MAMDC2: variants seen among roughly 807,000 people sequenced by gnomAD.
MAMDC2 encodes the protein MAM domain containing 2, also known as MAM domain-containing protein 2.
MAMDC2 carries 57 observed loss-of-function variants against 89.8 expected under a neutral mutation model. That is an observed-to-expected ratio of 0.63 (90% CI 0.51 to 0.79). The LOEUF (loss-of-function observed/expected upper bound fraction) is 0.79. MAMDC2 is among the 30% of genes least tolerant of loss of function. MAMDC2 has a pLI of 0.00. For missense variants in MAMDC2, 800 were observed against 820.6 expected, an observed-to-expected ratio of 0.97 and a Z score of 0.31; for synonymous variants, 313 against 293.4, an observed-to-expected ratio of 1.07 and a Z score of -0.68.
At chr9:70,132,060 G>A (rs927852440) in intron 7 of MAMDC2, among the ~76,000 whole-genome samples, 42 of 152,158 alleles carry the variant, frequency 2.8e-4, no homozygotes, top group African/African-American at 1.0e-3. Context: ...GTTTAAAGAC[G>A]TTAGTATTTG....
intron 6 of MAMDC2, among the ~76,000 whole-genome samples, chr9:70,127,402 A>G (rs1025462472): frequency 5.3e-5 from 8 of 152,188 alleles, no homozygotes; most frequent in Admixed American, 3.9e-4. Context: ...TATGGTTGCT[A>G]TAAGATTGCT....
intron 2 of MAMDC2, chr9:70,093,876 T>C (rs1245526151): frequency 6.6e-6 from 1 of 152,214 alleles, no homozygotes; most frequent in East Asian, 1.9e-4. Context: ...ATTTTCATCC[T>C]TTGTTAAATA....
chr9:70,121,480 T>C (rs1426092698), intron 5 of MAMDC2, among the ~76,000 whole-genome samples: 1 of 152,178 alleles, frequency 6.6e-6, no homozygotes, highest in Non-Finnish European at 1.5e-5. Flanking sequence ...TTTCACTCTG[T>C]GTATGGCAAA....
intron 2 of MAMDC2, chr9:70,105,846 C>G (rs1828327080): frequency 6.6e-6 from 1 of 152,138 alleles, no homozygotes; most frequent in Non-Finnish European, 1.5e-5. Flanking sequence ...AGCAGATGGA[C>G]TCTGTGCACC....
intron 8 of MAMDC2, among the ~76,000 whole-genome samples, chr9:70,142,864 C>T (rs1176070883): frequency 6.6e-6 from 1 of 152,086 alleles, no homozygotes; most frequent in Non-Finnish European, 1.5e-5. Context: ...TTTTTCTTTT[C>T]TGCCCAGGCT....
intron 11 of MAMDC2, among the ~76,000 whole-genome samples, chr9:70,199,690 C>G (rs1721449111): frequency 8.9e-6 from 1 of 111,806 alleles, no homozygotes; most frequent in African/African-American, 3.2e-5. Context: ...GTTCCTATTT[C>G]TCCACATCCT....
chr9:70,110,341 G>A (rs1417357267), intron 4 of MAMDC2, among the ~76,000 whole-genome samples: 1 of 152,200 alleles, frequency 6.6e-6, no homozygotes, highest in Non-Finnish European at 1.5e-5. Context: ...TGTCTACATT[G>A]AAGCTAGTTC....
At chr9:70,105,214 C>T (rs1828305921) in intron 2 of MAMDC2, among the ~76,000 whole-genome samples, 1 of 151,982 alleles carries the variant, frequency 6.6e-6, no homozygotes, top group Non-Finnish European at 1.5e-5. Flanking sequence ...TTAGCTATAA[C>T]GTGACCACAA....
intron 11 of MAMDC2, among the ~76,000 whole-genome samples, chr9:70,214,387 C>A (rs1215343996): frequency 4.6e-5 from 7 of 152,144 alleles, no homozygotes; most frequent in African/African-American, 1.7e-4. Context: ...GCATACCTGC[C>A]ATATTCCAGG....
chr9:70,163,437 A>G (rs375184229), intron 9 of MAMDC2, among the ~76,000 whole-genome samples: 37 of 151,862 alleles, frequency 2.4e-4, no homozygotes, highest in African/African-American at 8.2e-4. Context: ...AATGTTGGCC[A>G]GGCTGGTTTT....
intron 7 of MAMDC2, among the ~76,000 whole-genome samples, chr9:70,134,376 A>C (rs536536829): frequency 1.4e-5 from 2 of 139,114 alleles, no homozygotes; most frequent in Non-Finnish European, 1.5e-5. Context: ...CCCCTGCACA[A>C]CCACATCTGT....
intron 9 of MAMDC2, among the ~76,000 whole-genome samples, chr9:70,163,156 G>T (rs1371885717): frequency 6.6e-6 from 1 of 151,458 alleles, no homozygotes; most frequent in African/African-American, 2.4e-5. Context: ...TTCAGTTTGG[G>T]TATTAGTCCA....
chr9:70,075,351 G>T (rs1437315388), intron 2 of MAMDC2, among the ~76,000 whole-genome samples: 1 of 152,082 alleles, frequency 6.6e-6, no homozygotes, highest in Admixed American at 6.6e-5. Flanking sequence ...AAAAACATTG[G>T]TCATGAAATC....
intron 2 of MAMDC2, chr9:70,086,344 T>C (rs1217195451): frequency 6.6e-6 from 1 of 152,166 alleles, no homozygotes; most frequent in Non-Finnish European, 1.5e-5. Context: ...TCCATATTAA[T>C]TTAGAGGACT....
chr9:70,214,359 A>G (rs2033408053), intron 11 of MAMDC2, among the ~76,000 whole-genome samples: 1 of 152,200 alleles, frequency 6.6e-6, no homozygotes, highest in African/African-American at 2.4e-5. Context: ...TAGCACATGC[A>G]AAGGCCTTCA....
At chr9:70,144,856 C>T (rs2118423341) in intron 9 of MAMDC2, among the ~76,000 whole-genome samples, 1 of 152,324 alleles carries the variant, frequency 6.6e-6, no homozygotes, top group Non-Finnish European at 1.5e-5. Flanking sequence ...CTGTGTCCAT[C>T]TATAACTTCC....
chr9:70,126,391 G>A lies in MAMDC2; in HGVS notation c.876G>A (p.Glu292=), dbSNP rs1182955854. The A allele has an allele frequency of 6.2e-7, 1 of 1,613,708 alleles. No individual in the cohort carries two copies. Among genetic ancestry groups the A allele is most frequent in the Non-Finnish European group, 8.5e-7 (1 of 1,179,976 alleles). The part of the protein sequence containing the change: ...GNAAWNLAEV[E]FSAPYPMEVI... ...CTGCCTGGAACCTTGCGGAGGTCGA[G>A]TTCAGTGCTCCTTACCCCATGGAGG... The change falls in exon 6 of 14, where the codon GAG becomes GAA. Residue 292 remains glutamate, a synonymous_variant. Coordinates refer to ENST00000377182, the MANE Select transcript of MAMDC2 (RefSeq NM_153267.5).
intron 11 of MAMDC2, among the ~76,000 whole-genome samples, chr9:70,176,693 C>T (rs937006171): frequency 6.6e-6 from 1 of 152,174 alleles, no homozygotes; most frequent in African/African-American, 2.4e-5. Flanking sequence ...TCTTTTACCA[C>T]TTATATCTTT....
intron 5 of MAMDC2, among the ~76,000 whole-genome samples, chr9:70,123,696 C>A (rs2030392542): frequency 6.6e-6 from 1 of 152,076 alleles, no homozygotes; most frequent in Non-Finnish European, 1.5e-5. Context: ...GGCCTCCAAT[C>A]CAATATGACC....
Sources: allele counts gnomAD v4.1 joint callset (sites outside exome capture counted in the v4.1 genomes callset), GRCh38; gene constraint gnomAD v4.1.1; transcripts MANE v1.5; gene names NCBI Gene and HGNC (gene_info 2026-07-23, HGNC 2026-07-21).